Variants in SLC7A1 observed in about 807,000 individuals in gnomAD.
SLC7A1 encodes the protein solute carrier family 7 member 1.
In SLC7A1, 10 loss-of-function variants were observed where a neutral mutation model predicts 53.9. The ratio of observed to expected loss-of-function variants is 0.19; its 90% CI spans 0.11 to 0.31. The LOEUF (loss-of-function observed/expected upper bound fraction) is 0.31, where lower values mean the gene tolerates loss of function less well. SLC7A1 is among the 10% of genes least tolerant of loss of function. The pLI, the probability that SLC7A1 is intolerant of heterozygous loss-of-function variation, is 1.00. For synonymous variants in SLC7A1, 342 were observed against 338.7 expected, an observed-to-expected ratio of 1.01 and a Z score of -0.11; for missense variants, 525 against 827.2, an observed-to-expected ratio of 0.63 and a Z score of 4.48.
At chr13:29,588,442 C>A (rs1373115354) in intron 1 of SLC7A1, among the ~76,000 whole-genome samples, 3 of 151,728 alleles carry the variant, frequency 2.0e-5, no homozygotes, top group Non-Finnish European at 4.4e-5. Flanking sequence ...CATAACCCAC[C>A]TGTGCATCTG....
At chr13:29,577,961 T>C (rs909036050) in intron 1 of SLC7A1, among the ~76,000 whole-genome samples, 1 of 152,150 alleles carries the variant, frequency 6.6e-6, no homozygotes, top group Non-Finnish European at 1.5e-5. Context: ...TCACCAGCTG[T>C]GGAAAGTCCT....
In SLC7A1 at chr13:29,567,659, C is replaced by A. The variant is rs142479544; in HGVS notation, c.-114-13799G>T. Among the ~76,000 whole-genome samples the A allele has an allele frequency of 3.9e-5, 6 of 152,244 alleles. No homozygotes were observed. The East Asian group carries it at 1.2e-3, about 29-fold the overall frequency. ...GCTGCTGGGTACAACTCCCTGCAGG[C>A]GGGCATCCCTCCCACGGATGCAACC... On this transcript the variant is annotated intron_variant, in intron 1 of 12. Coordinates refer to ENST00000380752, the MANE Select transcript of SLC7A1 (RefSeq NM_003045.5).
intron 2 of SLC7A1, among the ~76,000 whole-genome samples, chr13:29,541,253 C>T (rs778792139): frequency 8.6e-5 from 13 of 151,970 alleles, no homozygotes; most frequent in Middle Eastern, 3.4e-3. Context: ...AGGATGGAGA[C>T]GGAAGGAGGT....
At chr13:29,539,562 G>A (rs563055506) in intron 2 of SLC7A1, among the ~76,000 whole-genome samples, 26 of 152,288 alleles carry the variant, frequency 1.7e-4, no homozygotes, top group African/African-American at 4.8e-4. Flanking sequence ...TGTGAAAAGG[G>A]ACTTTCTGGT....
intron 1 of SLC7A1, among the ~76,000 whole-genome samples, chr13:29,571,861 G>C (rs756497748): frequency 5.9e-5 from 9 of 152,186 alleles, no homozygotes; most frequent in Non-Finnish European, 1.3e-4. Flanking sequence ...AATGATTAAA[G>C]AATCATTTCA....
intron 5 of SLC7A1, 52 bp from the exon 6 acceptor site, chr13:29,524,305 C>T (rs745979326): frequency 1.7e-5 from 27 of 1,609,830 alleles, no homozygotes; most frequent in East Asian, 2.2e-5. Context: ...CGCAGTCTGG[C>T]GTAAGGAGCT....
rs1883338489 is a variant in SLC7A1 at position 29,509,703 on chromosome 13, T to C, written c.*4777A>G. 1.3e-5 allele frequency: 2 copies of C among 152,152 alleles called. No homozygotes were observed. The highest frequency in any genetic ancestry group is 2.9e-5 in the Non-Finnish European group (2 of 67,952). 9.4% of individuals were successfully genotyped at this position (152,152 alleles called of 1,614,324 possible). A position where few individuals can be genotyped will look rare whatever the true frequency, so the allele number is the denominator to read the frequency against. ...ACTTTAAGAAACTAAAAGAAAACTA[T>C]TAGAAAAATAGAACATCAAACAAGC... On this transcript the variant is annotated 3_prime_UTR_variant, in exon 13 of 13. Transcript: ENST00000380752.
intron 2 of SLC7A1, among the ~76,000 whole-genome samples, chr13:29,547,509 T>A (rs1869974219): frequency 1.3e-5 from 2 of 152,098 alleles, no homozygotes; most frequent in Admixed American, 6.5e-5. Flanking sequence ...ATTATAGCAA[T>A]CCTTAAAAAA....
intron 2 of SLC7A1, among the ~76,000 whole-genome samples, chr13:29,549,127 C>T (rs911418602): frequency 7.2e-5 from 11 of 152,166 alleles, no homozygotes; most frequent in Non-Finnish European, 1.5e-4. Context: ...GTGGAGCGGA[C>T]GTGCTAGTGG....
rs771167957 is a variant in SLC7A1, at chr13:29,524,208, G to A, written c.750C>T (p.Phe250=). The change falls in exon 6 of 13, where the codon TTC becomes TTT. Residue 250 remains phenylalanine (F), a synonymous_variant. Coordinates refer to ENST00000380752, the MANE Select transcript of SLC7A1 (RefSeq NM_003045.5). ...CCCCCGACAGGACACCAGAGAACCC[G>A]AAGGGCATGAATCCACCAACACCGG... ...GKPGVGGFMP[F]GFSGVLSGAA... 1.7e-5 allele frequency: 28 copies of A among 1,614,044 alleles called. No homozygotes were observed. The highest frequency in any genetic ancestry group is 5.0e-5 in the Admixed American group (3 of 60,012).
chr13:29,535,428 AAC>A lies in SLC7A1; in HGVS notation c.370+389_370+390del, dbSNP rs1869363936. ...TGTATCTGTAGACAGTAAACTTCTG[AAC>A]ACAGAGTGTCTTATGCCTTCATGGG... On this transcript the variant is annotated intron_variant, in intron 3 of 12. Transcript: ENST00000380752. Among the ~76,000 whole-genome samples, 5 of 152,338 alleles carry A rather than the reference AAC, an allele frequency of 3.3e-5. No homozygotes were observed. In the Middle Eastern group the frequency reaches 0.017, roughly 518 times the overall value.
chr13:29,514,416 G>A lies in SLC7A1; in HGVS notation c.*64C>T, dbSNP rs1244149778. The A allele has an allele frequency of 4.2e-6, 5 of 1,201,202 alleles. No individual in the cohort carries two copies. The highest frequency in any genetic ancestry group is 3.7e-5 in the South Asian group (3 of 80,776). The allele number at this position is 1,201,202 out of a possible 1,614,324, so 74.4% of individuals were successfully genotyped here. A position where few individuals can be genotyped will look rare whatever the true frequency, so the allele number is the denominator to read the frequency against. On this transcript the variant is annotated 3_prime_UTR_variant, in exon 13 of 13. Coordinates refer to ENST00000380752, the MANE Select transcript of SLC7A1 (RefSeq NM_003045.5). Reference sequence around the variant, plus strand: ...GTTGCACTGGTGGGGAGGGTGGGGTGCCTCCCGGTCCTCTGGGGGCGTCCC... The same window carrying A: ...GTTGCACTGGTGGGGAGGGTGGGGTACCTCCCGGTCCTCTGGGGGCGTCCC...
intron 1 of SLC7A1, among the ~76,000 whole-genome samples, chr13:29,592,879 T>G (rs1242027769): frequency 1.3e-5 from 2 of 151,936 alleles, no homozygotes; most frequent in African/African-American, 4.8e-5. Flanking sequence ...TTGAACCCCA[T>G]GTATGGAGGG....
chr13:29,529,892 A>G (rs760543009), intron 5 of SLC7A1, among the ~76,000 whole-genome samples: 1 of 152,174 alleles, frequency 6.6e-6, no homozygotes, highest in Non-Finnish European at 1.5e-5. Flanking sequence ...TGAGCTTTCA[A>G]TGAGGGCTGG....
rs778825380 is a variant in SLC7A1, at chr13:29,523,358, A to G, written c.957T>C (p.Asn319=). 1 of 1,613,702 alleles carries G rather than the reference A, an allele frequency of 6.2e-7. No individual in the cohort carries two copies. The highest frequency in any genetic ancestry group is 8.5e-7 in the Non-Finnish European group (1 of 1,179,986). Residue 319 remains asparagine (N), a synonymous_variant, in exon 7 of 13, where the codon AAT becomes AAC. Coordinates refer to ENST00000380752, the MANE Select transcript of SLC7A1 (RefSeq NM_003045.5). ...TLMMPYFCLD[N]NSPLPDAFKH... ...TAAAGGCGTCGGGCAGGGGGCTGTT[A>G]TTGTCCAGGCAGAAGTAGGGCATCA... is the stretch of plus-strand genomic sequence containing the variant.
chr13:29,591,398 G>T lies in SLC7A1; in HGVS notation c.-115+4018C>A, dbSNP rs143492037. ...CTCTGGGGCTCTGCTCTTTCTGCCA[G>T]TAGGGATCATGATGTCTCCTTTGAC... On this transcript the variant is annotated intron_variant, in intron 1 of 12. Coordinates refer to ENST00000380752, the MANE Select transcript of SLC7A1 (RefSeq NM_003045.5). Among the ~76,000 whole-genome samples the T allele has an allele frequency of 3.2e-3, 484 of 152,288 alleles. 1 individual carries two copies. The highest frequency in any genetic ancestry group is 5.4e-3 in the Admixed American group (83 of 15,308).
chr13:29,564,488 G>A (rs141105049), intron 1 of SLC7A1, among the ~76,000 whole-genome samples: 5 of 152,258 alleles, frequency 3.3e-5, no homozygotes, highest in South Asian at 2.1e-4. Flanking sequence ...CAGTGTGTGC[G>A]TCTAACTCTA....
Position 29,511,729 on chromosome 13 carries a change from C to G in SLC7A1, c.*2751G>C, listed in dbSNP as rs908765261. 3.3e-5 allele frequency: 5 copies of G among 152,220 alleles called. No homozygotes were observed. Among genetic ancestry groups the G allele is most frequent in the African/African-American group, 1.2e-4 (5 of 41,440 alleles). The allele number at this position is 152,220 out of a possible 1,614,324, so 9.4% of individuals were successfully genotyped here. A position where few individuals can be genotyped will look rare whatever the true frequency, so the allele number is the denominator to read the frequency against. On this transcript the variant is annotated 3_prime_UTR_variant, in exon 13 of 13. Transcript: ENST00000380752. ...TTCATGAATTTGGGCCTTCGGAGGT[C>G]ATGAACACATGCAGGGCAGTCACAG...
At chr13:29,544,867 C>CG (rs11305796) in intron 2 of SLC7A1, among the ~76,000 whole-genome samples, 5,905 of 115,184 alleles carry the variant, frequency 0.051, 297 homozygotes, top group East Asian at 0.14. Context: ...CCTGCCTCAT[C>CG]GGGGGGGGGG....
Sources: gnomAD v4.1 joint callset for allele counts (sites outside exome capture counted in the v4.1 genomes callset) on GRCh38, gnomAD v4.1.1 for gene constraint, MANE v1.5 for transcripts, NCBI Gene and HGNC (gene_info 2026-07-23, HGNC 2026-07-21) for gene names.